FIGN: variants seen among roughly 807,000 people sequenced by gnomAD.
FIGN encodes fidgetin, microtubule severing factor, also known as fidgetin.
Under a neutral mutation model 51.3 loss-of-function variants are expected in FIGN, and 11 were observed. That is an observed-to-expected ratio of 0.21 (90% CI 0.13 to 0.35). FIGN has a LOEUF of 0.35. Among genes scored for constraint, FIGN ranks in the 10% least tolerant of loss-of-function variants. The probability of loss-of-function intolerance (pLI) is 1.00; values close to 1 mark genes in which losing one functional copy is unlikely to be tolerated. For synonymous variants in FIGN, 407 were observed against 363.2 expected (o/e 1.12, Z -1.37); for missense variants, 857 against 943.6 (o/e 0.91, Z 1.20).
intron 2 of FIGN, among the ~76,000 whole-genome samples, chr2:163,706,093 T>A (rs900263085): frequency 6.6e-6 from 1 of 152,176 alleles, no homozygotes; most frequent in East Asian, 1.9e-4. Context: ...GAAGCTCTAT[T>A]CGTATTGCAT....
intron 2 of FIGN, among the ~76,000 whole-genome samples, chr2:163,652,361 AACACAC>A (rs60276598): frequency 2.2e-5 from 3 of 139,374 alleles, no homozygotes; most frequent in African/African-American, 8.3e-5. Context: ...CACACACACA[AACACAC>A]ACACACACAC....
intron 2 of FIGN, among the ~76,000 whole-genome samples, chr2:163,640,130 C>T (rs1238954955): frequency 6.6e-6 from 1 of 151,774 alleles, no homozygotes; most frequent in Non-Finnish European, 1.5e-5. Context: ...AAATAAAACA[C>T]TTTTACAGAA....
At chr2:163,674,218 G>A (rs984218539) in intron 2 of FIGN, among the ~76,000 whole-genome samples, 2 of 152,120 alleles carry the variant, frequency 1.3e-5, no homozygotes, top group Non-Finnish European at 2.9e-5. Flanking sequence ...GCAGGTGGGA[G>A]GGAGGAGCTT....
intron 2 of FIGN, among the ~76,000 whole-genome samples, chr2:163,677,624 A>C (rs999791865): frequency 1.3e-5 from 2 of 152,200 alleles, no homozygotes; most frequent in African/African-American, 4.8e-5. Flanking sequence ...TTATTAGGCT[A>C]TTCTGATATT....
At chr2:163,686,779 C>T (rs1419549774) in intron 2 of FIGN, among the ~76,000 whole-genome samples, 5 of 149,928 alleles carry the variant, frequency 3.3e-5, no homozygotes, top group African/African-American at 1.2e-4. Context: ...TATACACATA[C>T]ACACACACAC....
In FIGN at chr2:163,610,595, AT is replaced by A; in HGVS notation, c.1236del (p.Ser413GlnfsTer14). 1 of 1,614,146 alleles carries A rather than the reference AT, an allele frequency of 6.2e-7. No homozygotes were observed. Among genetic ancestry groups the A allele is most frequent in the South Asian group, 1.1e-5 (1 of 91,086 alleles). On this transcript the variant is annotated frameshift_variant, in exon 3 of 3. Coordinates refer to ENST00000333129, the MANE Select transcript of FIGN (RefSeq NM_018086.4). LOFTEE classifies it high-confidence loss of function. The stretch of plus-strand genomic sequence containing the variant: ...TTCCCAAAGGATTCACTGGATCTTG[AT>A]CCCAATGAATTTTTAGCAGTACTGT... ...PSYSTAKNSL[G>X]SRSSESFGKY... is the part of the protein sequence containing the mutation.
At position 163,680,775 on chromosome 2, in the gene FIGN, C is replaced by G. The variant is rs538453381; in HGVS notation, c.25+54128G>C. On this transcript the variant is annotated intron_variant, in intron 2 of 2. Transcript: ENST00000333129. ...CTCCCGGAGTCCACTGTATATAACT[C>G]TATTATAGTACTTGTTATATAGTAA... Among the ~76,000 whole-genome samples the G allele has an allele frequency of 4.0e-5, 6 of 151,714 alleles. No individual in the cohort carries two copies. The East Asian group carries it at 1.2e-3, about 29-fold the overall frequency.
intron 2 of FIGN, among the ~76,000 whole-genome samples, chr2:163,668,608 G>A (rs771273291): frequency 3.9e-5 from 6 of 152,126 alleles, no homozygotes; most frequent in Non-Finnish European, 7.4e-5. Context: ...CCCCCTCTCT[G>A]TCCAGTTAAA....
chr2:163,695,468 A>C (rs762625891), intron 2 of FIGN, among the ~76,000 whole-genome samples: 6 of 152,184 alleles, frequency 3.9e-5, no homozygotes, highest in Non-Finnish European at 7.4e-5. Context: ...CTTTCCTAAG[A>C]AAATCATCCT....
At chr2:163,725,811 ATT>A (rs1277589583) in intron 2 of FIGN, among the ~76,000 whole-genome samples, 1 of 151,892 alleles carries the variant, frequency 6.6e-6, no homozygotes, top group Non-Finnish European at 1.5e-5. Context: ...AGAGCTTTCA[ATT>A]TTTTTTGTAA....
At chr2:163,693,694 G>A (rs1375754907) in intron 2 of FIGN, among the ~76,000 whole-genome samples, 4 of 152,048 alleles carry the variant, frequency 2.6e-5, no homozygotes, top group South Asian at 2.1e-4. Flanking sequence ...GAACACATAT[G>A]TGCTAGGGAA....
Position 163,685,672 on chromosome 2 carries a change from G to A in FIGN, c.25+49231C>T, listed in dbSNP as rs1448805428. ...TCAATATTAACGATCTTGCAGTATC[G>A]TTATCTGAAGTAAGTGGAAGAATAC... On this transcript the variant is annotated intron_variant, in intron 2 of 2. Coordinates refer to ENST00000333129, the MANE Select transcript of FIGN (RefSeq NM_018086.4). 3.3e-5 allele frequency among the ~76,000 whole-genome samples: 5 copies of A among 152,272 alleles called. 1 individual carries two copies. Among genetic ancestry groups the A allele is most frequent in the South Asian group, 4.1e-4 (2 of 4,828 alleles).
intron 2 of FIGN, among the ~76,000 whole-genome samples, chr2:163,670,603 A>G (rs1035429255): frequency 2.0e-5 from 3 of 152,236 alleles, no homozygotes; most frequent in African/African-American, 7.2e-5. Flanking sequence ...GTTGACAAAT[A>G]AAAATTATGT....
At chr2:163,652,490 C>G (rs1454049464) in intron 2 of FIGN, among the ~76,000 whole-genome samples, 2 of 145,792 alleles carry the variant, frequency 1.4e-5, no homozygotes, top group Non-Finnish European at 3.0e-5. Flanking sequence ...CCAAAAAAAA[C>G]TAGATAAACT....
At chr2:163,688,370 T>A (rs905768103) in intron 2 of FIGN, among the ~76,000 whole-genome samples, 1 of 152,160 alleles carries the variant, frequency 6.6e-6, no homozygotes, top group South Asian at 2.1e-4. Context: ...CTATATTGAA[T>A]GTTACAGATA....
intron 2 of FIGN, among the ~76,000 whole-genome samples, chr2:163,656,373 T>A (rs1312440913): frequency 6.6e-6 from 1 of 152,132 alleles, no homozygotes; most frequent in Non-Finnish European, 1.5e-5. Context: ...ACTTTTATGG[T>A]CATAACGAAA....
At chr2:163,678,811 T>C (rs1374043280) in intron 2 of FIGN, among the ~76,000 whole-genome samples, 1 of 152,096 alleles carries the variant, frequency 6.6e-6, no homozygotes, top group Non-Finnish European at 1.5e-5. Flanking sequence ...ACCTATGAGG[T>C]GTTAGCCATT....
chr2:163,619,263 G>A (rs939465162), intron 2 of FIGN, among the ~76,000 whole-genome samples: 1 of 152,140 alleles, frequency 6.6e-6, no homozygotes, highest in Non-Finnish European at 1.5e-5. Context: ...GGTTATTTAA[G>A]CTACTCCAAA....
At chr2:163,697,780 A>T in intron 2 of FIGN, among the ~76,000 whole-genome samples, 1 of 152,192 alleles carries the variant, frequency 6.6e-6, no homozygotes, top group Non-Finnish European at 1.5e-5. Flanking sequence ...AGATAATAAG[A>T]GTTATACCTT....
Sources: gnomAD v4.1 joint callset for allele counts (sites outside exome capture counted in the v4.1 genomes callset) on GRCh38, gnomAD v4.1.1 for gene constraint, MANE v1.5 for transcripts, NCBI Gene and HGNC (gene_info 2026-07-23, HGNC 2026-07-21) for gene names.